KATNAL2: variants seen among roughly 807,000 people sequenced by gnomAD.
KATNAL2 encodes the protein katanin catalytic subunit A1 like 2.
KATNAL2 carries 52 observed loss-of-function variants against 76.3 expected under a neutral mutation model. That is an observed-to-expected ratio of 0.68 (90% CI 0.55 to 0.86). KATNAL2 has a LOEUF of 0.86. Ranked by LOEUF, KATNAL2 falls within the 40% of genes least tolerant of loss-of-function variation. The pLI is 0.00. For synonymous variants in KATNAL2, 243 were observed against 244.2 expected (o/e 1.00, Z 0.05); for missense variants, 660 against 668.9 (o/e 0.99, Z 0.15).
chr18:47,081,988 G>C (rs915213605), intron 15 of KATNAL2, among the ~76,000 whole-genome samples: 1 of 151,840 alleles, frequency 6.6e-6, no homozygotes, highest in Non-Finnish European at 1.5e-5. Flanking sequence ...ATTTTATATT[G>C]GTATCTTTTC....
intron 1 of KATNAL2, among the ~76,000 whole-genome samples, chr18:46,929,560 A>G (rs1399562983): frequency 2.0e-5 from 3 of 151,814 alleles, no homozygotes; most frequent in Non-Finnish European, 2.9e-5. Context: ...ATTTCTTTTT[A>G]TTGCTGAGTA....
intron 14 of KATNAL2, among the ~76,000 whole-genome samples, chr18:47,076,972 C>T (rs925025287): frequency 2.0e-5 from 3 of 151,784 alleles, no homozygotes; most frequent in Non-Finnish European, 4.4e-5. Context: ...AAGTACTTTC[C>T]TGTGTGCTAT....
At chr18:46,946,656 GC>G in intron 2 of KATNAL2, 110 bp downstream of exon 2, 1 of 1,159,908 alleles carries the variant, frequency 8.6e-7, no homozygotes, top group Non-Finnish European at 1.2e-6. Context: ...CTCTTCATTG[GC>G]CAGTGTCATG....
intron 15 of KATNAL2, among the ~76,000 whole-genome samples, chr18:47,080,836 G>A (rs952528343): frequency 6.6e-6 from 1 of 152,076 alleles, no homozygotes; most frequent in African/African-American, 2.4e-5. Flanking sequence ...ATCTTCTTGG[G>A]AGAAATGTCT....
chr18:46,920,257 T>C (rs2058461921), intron 1 of KATNAL2: 4 of 404,018 alleles, frequency 9.9e-6, no homozygotes, highest in Admixed American at 2.8e-5. Flanking sequence ...TGATTAGTAC[T>C]GAGCATTTAT....
At chr18:47,044,771 AC>A (rs374684474) in intron 3 of KATNAL2, among the ~76,000 whole-genome samples, 5,885 of 50,992 alleles carry the variant, frequency 0.12, 223 homozygotes, top group Non-Finnish European at 0.14. Context: ...CAAAAAAAAA[AC>A]AAAAACAAAA....
chr18:46,957,607 G>A (rs1389760845), intron 3 of KATNAL2, among the ~76,000 whole-genome samples: 2 of 132,884 alleles, frequency 1.5e-5, no homozygotes, highest in Non-Finnish European at 3.1e-5. Context: ...TTGTTGCCCA[G>A]GCTGGAGTGC....
intron 10 of KATNAL2, among the ~76,000 whole-genome samples, chr18:47,064,802 C>G (rs769484144): frequency 1.3e-5 from 2 of 152,092 alleles, no homozygotes; most frequent in Non-Finnish European, 2.9e-5. Context: ...TGCTTGAATG[C>G]TTACAGTGAC....
intron 1 of KATNAL2, among the ~76,000 whole-genome samples, chr18:46,940,344 A>T (rs978488706): frequency 1.4e-4 from 22 of 152,242 alleles, no homozygotes; most frequent in African/African-American, 2.9e-4. Context: ...TGTGGATAAG[A>T]TCCAATAAAA....
intron 8 of KATNAL2, among the ~76,000 whole-genome samples, chr18:47,062,177 G>A (rs2576034): frequency 0.43 from 65,127 of 151,814 alleles, 13,993 homozygotes; most frequent in Admixed American, 0.53. Flanking sequence ...CTCAGGAGTT[G>A]GGAGACCAGC....
chr18:46,961,845 T>A lies in KATNAL2; in HGVS notation c.51+14922T>A, dbSNP rs2059974272. Among the ~76,000 whole-genome samples the A allele has an allele frequency of 2.6e-5, 4 of 152,186 alleles. No individual in the cohort carries two copies. The South Asian group carries it at 8.3e-4, about 32-fold the overall frequency. ...TAAAAAAGTCAAAACACTGCCAGTTTTGTCAGTGATTATTTTTAGGAGGGC... is the reference window on the plus strand; with the variant it reads ...TAAAAAAGTCAAAACACTGCCAGTTATGTCAGTGATTATTTTTAGGAGGGC... On this transcript the variant is annotated intron_variant, in intron 3 of 17. Coordinates refer to ENST00000683218, the MANE Select transcript of KATNAL2 (RefSeq NM_001387690.1).
Position 47,100,294 on chromosome 18 carries a change from G to A in KATNAL2, c.1415G>A (p.Cys472Tyr), listed in dbSNP as rs1290912118. 6.2e-7 allele frequency: 1 copy of A among 1,614,006 alleles called. No homozygotes were observed. Among genetic ancestry groups the A allele is most frequent in the African/African-American group, 1.3e-5 (1 of 74,920 alleles). Residue 472 changes from cysteine (C) to tyrosine (Y), a missense_variant, in exon 17 of 18, where the codon TGC becomes TAC. Physicochemically the swap from Cys to Tyr is radical, Grantham distance 194. Coordinates refer to ENST00000683218, the MANE Select transcript of KATNAL2 (RefSeq NM_001387690.1). ...GYSGSDIKLV[C>Y]REAAMRPVRK... Reference sequence around the variant, plus strand: ...TCAGGCTCAGATATTAAGCTCGTCTGCAGGGAAGCAGCCATGCGGCCCGTG... The same window carrying A: ...TCAGGCTCAGATATTAAGCTCGTCTACAGGGAAGCAGCCATGCGGCCCGTG...
At chr18:47,066,847 T>TTTATATA (rs1319765780) in intron 10 of KATNAL2, among the ~76,000 whole-genome samples, 174 bp from the exon 11 acceptor site, 25 of 29,566 alleles carry the variant, frequency 8.5e-4, no homozygotes, top group South Asian at 3.4e-3. Context: ...ATATATGTGT[T>TTTATATA]TATATATATA....
chr18:47,064,880 A>G, intron 10 of KATNAL2, among the ~76,000 whole-genome samples: 1 of 152,154 alleles, frequency 6.6e-6, no homozygotes, highest in East Asian at 1.9e-4. Flanking sequence ...TGATACAAGG[A>G]GAAACTGTCA....
intron 1 of KATNAL2, among the ~76,000 whole-genome samples, chr18:46,942,274 T>G (rs1327139879): frequency 1.3e-5 from 2 of 152,208 alleles, no homozygotes; most frequent in African/African-American, 4.8e-5. Flanking sequence ...ATCCTTTTTC[T>G]GCAATTCTAA....
intron 13 of KATNAL2, among the ~76,000 whole-genome samples, chr18:47,071,208 C>T (rs1322058697): frequency 6.6e-6 from 1 of 152,134 alleles, no homozygotes; most frequent in East Asian, 1.9e-4. Context: ...CCATGTTGCC[C>T]CGGCTCCTCT....
At chr18:46,921,723 A>G (rs564020623) in intron 1 of KATNAL2, among the ~76,000 whole-genome samples, 6 of 152,208 alleles carry the variant, frequency 3.9e-5, no homozygotes, top group African/African-American at 1.4e-4. Flanking sequence ...ATTAAGAAAC[A>G]TAATTAAGAA....
intron 3 of KATNAL2, among the ~76,000 whole-genome samples, chr18:46,956,228 A>G (rs952978131): frequency 1.3e-5 from 2 of 152,228 alleles, no homozygotes; most frequent in Non-Finnish European, 2.9e-5. Flanking sequence ...ATTAACAGTA[A>G]GGCAAATATG....
chr18:47,087,911 TA>T (rs1287541498), intron 15 of KATNAL2, among the ~76,000 whole-genome samples: 7 of 152,294 alleles, frequency 4.6e-5, no homozygotes, highest in Middle Eastern at 6.8e-3. Flanking sequence ...TAATCCCACA[TA>T]AAACTCCATT....
Sources: gnomAD v4.1 joint callset for allele counts (sites outside exome capture counted in the v4.1 genomes callset) on GRCh38, gnomAD v4.1.1 for gene constraint, MANE v1.5 for transcripts, NCBI Gene and HGNC (gene_info 2026-07-23, HGNC 2026-07-21) for gene names.